PRKG1: variants seen among roughly 807,000 people sequenced by gnomAD.
The protein encoded by PRKG1 is cGMP-dependent protein kinase 1.
In PRKG1, 35 loss-of-function variants were observed where a neutral mutation model predicts 88.1. The ratio of observed to expected loss-of-function variants is 0.40; its 90% CI spans 0.30 to 0.53. The LOEUF (loss-of-function observed/expected upper bound fraction) is 0.53, where lower values mean the gene tolerates loss of function less well. PRKG1 is among the 20% of genes least tolerant of loss of function. The probability of loss-of-function intolerance (pLI) is 0.59; values close to 1 mark genes in which losing one functional copy is unlikely to be tolerated. For missense variants in PRKG1, 540 were observed against 839.8 expected, an observed-to-expected ratio of 0.64 and a Z score of 4.41; for synonymous variants, 303 against 292.5, an observed-to-expected ratio of 1.04 and a Z score of -0.37.
intron 2 of PRKG1, among the ~76,000 whole-genome samples, chr10:51,172,602 A>G (rs1219287960): frequency 9.6e-6 from 1 of 104,252 alleles, no homozygotes; most frequent in East Asian, 3.0e-4. Context: ...ATGTCTGTCT[A>G]TGTATGTATG....
At chr10:51,683,976 G>T (rs1247315365) in intron 3 of PRKG1, among the ~76,000 whole-genome samples, 2 of 152,172 alleles carry the variant, frequency 1.3e-5, no homozygotes, top group African/African-American at 4.8e-5. Context: ...CAGTCTAATG[G>T]TTCCTCTGAA....
chr10:51,152,487 A>C (rs1846097500), intron 1 of PRKG1, among the ~76,000 whole-genome samples: 2 of 152,062 alleles, frequency 1.3e-5, no homozygotes, highest in Non-Finnish European at 2.9e-5. Context: ...TTACTTGAGC[A>C]GTATTATCTC....
chr10:51,539,619 G>A (rs753270004), intron 3 of PRKG1, among the ~76,000 whole-genome samples: 1 of 152,086 alleles, frequency 6.6e-6, no homozygotes, highest in African/African-American at 2.4e-5. Flanking sequence ...TTAAGTGCAC[G>A]AATGAATTCC....
intron 3 of PRKG1, among the ~76,000 whole-genome samples, chr10:51,579,883 G>A (rs1167200951): frequency 6.6e-6 from 1 of 152,052 alleles, no homozygotes; most frequent in Admixed American, 6.6e-5. Context: ...AAAAGAAAAT[G>A]TAGATTAAAT....
chr10:51,446,374 C>G (rs1274097384), intron 2 of PRKG1, among the ~76,000 whole-genome samples: 2 of 151,896 alleles, frequency 1.3e-5, no homozygotes, highest in Non-Finnish European at 2.9e-5. Flanking sequence ...TTTACTCTGG[C>G]TTTCCTGATC....
chr10:51,054,019 A>G (rs766373354), intron 1 of PRKG1, among the ~76,000 whole-genome samples: 4 of 152,180 alleles, frequency 2.6e-5, no homozygotes, highest in Non-Finnish European at 5.9e-5. Context: ...AGAAGACTAT[A>G]TGTGAAACCA....
chr10:51,294,586 A>C (rs1483350858), intron 2 of PRKG1, among the ~76,000 whole-genome samples: 2 of 152,166 alleles, frequency 1.3e-5, no homozygotes, highest in Non-Finnish European at 1.5e-5. Flanking sequence ...TTTTAATGTT[A>C]ATTAGTGTAA....
intron 7 of PRKG1, among the ~76,000 whole-genome samples, chr10:52,126,353 G>A (rs1847930631): frequency 6.6e-6 from 1 of 151,982 alleles, no homozygotes; most frequent in Admixed American, 6.6e-5. Flanking sequence ...CATAATAAAG[G>A]TGGATTTTCT....
chr10:51,849,165 A>G (rs1371464038), intron 4 of PRKG1, among the ~76,000 whole-genome samples: 1 of 152,152 alleles, frequency 6.6e-6, no homozygotes, highest in Non-Finnish European at 1.5e-5. Flanking sequence ...CATTCCATAT[A>G]TCATCTTCCC....
chr10:51,977,554 T>C (rs1267440940), intron 5 of PRKG1, among the ~76,000 whole-genome samples: 2 of 151,984 alleles, frequency 1.3e-5, no homozygotes, highest in African/African-American at 4.8e-5. Context: ...CACTGTTTTA[T>C]ACAATAGTTG....
chr10:52,158,031 T>C (rs1589658742), intron 8 of PRKG1, among the ~76,000 whole-genome samples: 1 of 151,716 alleles, frequency 6.6e-6, no homozygotes, highest in East Asian at 1.9e-4. Flanking sequence ...TGCATAAAGG[T>C]TTGCTGTGGA....
intron 3 of PRKG1, among the ~76,000 whole-genome samples, chr10:51,638,590 C>G (rs1409463440): frequency 3.9e-5 from 6 of 152,100 alleles, no homozygotes; most frequent in African/African-American, 1.4e-4. Flanking sequence ...TGTTCATGTA[C>G]TTTGACTGCC....
intron 9 of PRKG1, among the ~76,000 whole-genome samples, chr10:52,247,061 C>G (rs1054182505): frequency 2.0e-5 from 3 of 151,968 alleles, no homozygotes; most frequent in African/African-American, 7.2e-5. Context: ...GTGTTGTTAA[C>G]CTACTTTATG....
At chr10:51,486,239 C>G (rs1399728816) in intron 3 of PRKG1, among the ~76,000 whole-genome samples, 1 of 152,068 alleles carries the variant, frequency 6.6e-6, no homozygotes, top group Non-Finnish European at 1.5e-5. Flanking sequence ...TGATACCTCT[C>G]CATCCCCCTT....
chr10:51,080,538 T>G lies in PRKG1; in HGVS notation c.311+5637T>G, dbSNP rs369320592. Among the ~76,000 whole-genome samples, 5 of 152,168 alleles carry G rather than the reference T, an allele frequency of 3.3e-5. No homozygotes were observed. The East Asian group carries it at 7.7e-4, about 23-fold the overall frequency. On this transcript the variant is annotated intron_variant, in intron 1 of 17. Transcript: ENST00000373980. ...CTCTTTCTGCCATCTCTACCATAGGTGCTGCAGCCCATCCCAAGAAACTGG... is the reference window on the plus strand; with the variant it reads ...CTCTTTCTGCCATCTCTACCATAGGGGCTGCAGCCCATCCCAAGAAACTGG...
At chr10:51,709,426 C>T (rs1354744906) in intron 3 of PRKG1, among the ~76,000 whole-genome samples, 7 of 152,280 alleles carry the variant, frequency 4.6e-5, no homozygotes, top group South Asian at 4.1e-4. Flanking sequence ...GCTGTGTATA[C>T]GTTCTTGCAG....
chr10:51,760,501 T>G (rs1026115454), intron 3 of PRKG1, among the ~76,000 whole-genome samples: 17 of 150,466 alleles, frequency 1.1e-4, no homozygotes, highest in Non-Finnish European at 1.8e-4. Flanking sequence ...AGACCAAGTC[T>G]TGCCCTGTCA....
chr10:52,139,965 A>T (rs1564486713), intron 8 of PRKG1, among the ~76,000 whole-genome samples: 1 of 152,202 alleles, frequency 6.6e-6, no homozygotes, highest in African/African-American at 2.4e-5. Flanking sequence ...AAAAGTAACT[A>T]AAGATGATAT....
chr10:51,972,587 G>A (rs1843736384), intron 5 of PRKG1, among the ~76,000 whole-genome samples: 1 of 152,110 alleles, frequency 6.6e-6, no homozygotes, highest in Admixed American at 6.6e-5. Context: ...TCAGTTGTGA[G>A]TTTCTGTTTA....
Sources: gnomAD v4.1 joint callset for allele counts (sites outside exome capture counted in the v4.1 genomes callset) on GRCh38, gnomAD v4.1.1 for gene constraint, MANE v1.5 for transcripts, NCBI Gene and HGNC (gene_info 2026-07-23, HGNC 2026-07-21) for gene names.